Variants in IGF1 observed in about 807,000 individuals in gnomAD.
IGF1 encodes insulin like growth factor 1, also known as insulin-like growth factor 1.
IGF1 carries 4 observed loss-of-function variants against 13.8 expected under a neutral mutation model. The observed-to-expected ratio is 0.29, with a 90% CI of 0.14 to 0.66. The LOEUF (loss-of-function observed/expected upper bound fraction) is 0.66, where lower values mean the gene tolerates loss of function less well. Among genes scored for constraint, IGF1 ranks in the 30% least tolerant of loss-of-function variants. IGF1 has a pLI of 0.78. For synonymous variants in IGF1, 76 were observed against 72.6 expected, an observed-to-expected ratio of 1.05 and a Z score of -0.23; for missense variants, 124 against 188.5, an observed-to-expected ratio of 0.66 and a Z score of 2.00.
At chr12:102,436,981 A>G (rs909690424) in intron 2 of IGF1, among the ~76,000 whole-genome samples, 11 of 152,368 alleles carry the variant, frequency 7.2e-5, no homozygotes, top group African/African-American at 2.6e-4. Context: ...TGGCTTCCCA[A>G]TTAGAGCATT....
At position 102,405,696 on chromosome 12, in the gene IGF1, C is replaced by T. The variant is rs569007565; in HGVS notation, c.403-3130G>A. On this transcript the variant is annotated intron_variant, in intron 3 of 3. Coordinates refer to ENST00000337514, the MANE Select transcript of IGF1 (RefSeq NM_000618.5). ...GAAGTTCTTTAAACATCTGCAATGC[C>T]CAAACTAAGAAAATATTCAGGAATG... Among the ~76,000 whole-genome samples the T allele has an allele frequency of 9.2e-5, 14 of 152,096 alleles. No individual in the cohort carries two copies. In the East Asian group the frequency reaches 2.5e-3, roughly 27 times the overall value.
intron 2 of IGF1, among the ~76,000 whole-genome samples, chr12:102,421,658 G>A (rs568366354): frequency 1.3e-5 from 2 of 152,290 alleles, no homozygotes; most frequent in South Asian, 2.1e-4. Flanking sequence ...ATTATGAAAT[G>A]GTAACTTGAT....
intron 2 of IGF1, among the ~76,000 whole-genome samples, chr12:102,427,658 G>T (rs562631331): frequency 2.0e-5 from 3 of 152,124 alleles, no homozygotes; most frequent in Non-Finnish European, 2.9e-5. Flanking sequence ...GCAGTCTGGC[G>T]TGTCTGGAGG....
intron 3 of IGF1, among the ~76,000 whole-genome samples, chr12:102,411,771 G>C (rs935257431): frequency 2.0e-5 from 3 of 152,158 alleles, no homozygotes; most frequent in Non-Finnish European, 4.4e-5. Context: ...CATAACAGAT[G>C]CCTACTCAAA....
At chr12:102,461,048 A>G (rs1879857514) in intron 2 of IGF1, among the ~76,000 whole-genome samples, 1 of 152,178 alleles carries the variant, frequency 6.6e-6, no homozygotes, top group Non-Finnish European at 1.5e-5. Context: ...GACCCAGGGG[A>G]TTAATAATCA....
At chr12:102,473,423 T>C (rs1880809663) in intron 2 of IGF1, among the ~76,000 whole-genome samples, 1 of 152,206 alleles carries the variant, frequency 6.6e-6, no homozygotes, top group Admixed American at 6.5e-5. Context: ...ATAATCTAAA[T>C]GGACTAATTT....
intron 2 of IGF1, among the ~76,000 whole-genome samples, chr12:102,467,874 CAT>C (rs998680236): frequency 6.6e-6 from 1 of 152,204 alleles, no homozygotes; most frequent in Non-Finnish European, 1.5e-5. Context: ...TGACTTTGCA[CAT>C]GTCACTTCTC....
chr12:102,470,819 G>T (rs1469225776), intron 2 of IGF1, among the ~76,000 whole-genome samples: 1 of 152,170 alleles, frequency 6.6e-6, no homozygotes, highest in Non-Finnish European at 1.5e-5. Context: ...AAGGTAATAG[G>T]CTGGGAAGAG....
chr12:102,465,141 T>C (rs765799454), intron 2 of IGF1, among the ~76,000 whole-genome samples: 2 of 152,238 alleles, frequency 1.3e-5, no homozygotes, highest in Non-Finnish European at 2.9e-5. Flanking sequence ...TTTTCTTTTT[T>C]AATTAATGAG....
chr12:102,417,575 T>A (rs530965503), intron 3 of IGF1: 14 of 1,220,524 alleles, frequency 1.1e-5, no homozygotes, highest in South Asian at 7.2e-5. Context: ...ATTTTTATTT[T>A]TTTTTTTCAT....
intron 2 of IGF1, among the ~76,000 whole-genome samples, chr12:102,470,418 T>A (rs1180481517): frequency 6.6e-6 from 1 of 152,242 alleles, no homozygotes; most frequent in Non-Finnish European, 1.5e-5. Flanking sequence ...TTTCTAATTT[T>A]GCATCATTTT....
intron 2 of IGF1, among the ~76,000 whole-genome samples, chr12:102,433,500 C>T (rs1876929639): frequency 1.3e-5 from 2 of 152,224 alleles, no homozygotes; most frequent in Admixed American, 6.5e-5. Context: ...GTGATGACCT[C>T]ATTCCCATTA....
At chr12:102,423,619 C>A (rs1320704085) in intron 2 of IGF1, among the ~76,000 whole-genome samples, 2 of 152,128 alleles carry the variant, frequency 1.3e-5, no homozygotes, top group Non-Finnish European at 1.5e-5. Context: ...GGCCAACAGA[C>A]AGAATTCCAA....
chr12:102,403,127 G>A (rs143883743), intron 3 of IGF1, among the ~76,000 whole-genome samples: 4 of 152,104 alleles, frequency 2.6e-5, no homozygotes, highest in Admixed American at 6.6e-5. Context: ...AGCTCAACTC[G>A]TAGCTTTTCT....
At chr12:102,416,073 A>G (rs1875111986) in intron 3 of IGF1, among the ~76,000 whole-genome samples, 2 of 152,222 alleles carry the variant, frequency 1.3e-5, no homozygotes, top group Non-Finnish European at 2.9e-5. Flanking sequence ...TCAGTGAACC[A>G]CTAGAAAGGG....
chr12:102,403,554 T>G (rs1042043388), intron 3 of IGF1, among the ~76,000 whole-genome samples: 1 of 151,378 alleles, frequency 6.6e-6, no homozygotes, highest in African/African-American at 2.4e-5. Flanking sequence ...CCTCCCAGGC[T>G]TACACAATCC....
intron 3 of IGF1, among the ~76,000 whole-genome samples, chr12:102,405,495 A>G (rs117472794): frequency 1.3e-5 from 2 of 152,282 alleles, no homozygotes; most frequent in East Asian, 3.9e-4. Flanking sequence ...TTTTTGTTCA[A>G]TTCTCAATCA....
At chr12:102,438,878 G>A (rs1423072422) in intron 2 of IGF1, among the ~76,000 whole-genome samples, 1 of 152,166 alleles carries the variant, frequency 6.6e-6, no homozygotes, top group Non-Finnish European at 1.5e-5. Context: ...TCCATCAAAG[G>A]CAGTACCATC....
At chr12:102,417,656 A>G (rs1231126214) in intron 3 of IGF1, 3 of 1,393,680 alleles carry the variant, frequency 2.2e-6, no homozygotes, top group African/African-American at 3.0e-5. Flanking sequence ...CATGTTTCTT[A>G]GCGAGATTCT....
Sources: allele counts gnomAD v4.1 joint callset (sites outside exome capture counted in the v4.1 genomes callset), GRCh38; gene constraint gnomAD v4.1.1; transcripts MANE v1.5; gene names NCBI Gene and HGNC (gene_info 2026-07-23, HGNC 2026-07-21).